Variants in LIMA1 observed in about 807,000 individuals in gnomAD.
The protein encoded by LIMA1 is LIM domain and actin-binding protein 1.
Under a neutral mutation model 62.6 loss-of-function variants are expected in LIMA1, and 52 were observed. The ratio of observed to expected loss-of-function variants is 0.83; its 90% CI spans 0.67 to 1.05. LIMA1 has a LOEUF of 1.05. Ranked by LOEUF, LIMA1 falls within the 50% of genes least tolerant of loss-of-function variation. The pLI is 0.00. For missense variants in LIMA1, 780 were observed against 902.2 expected (o/e 0.86, Z 1.74); for synonymous variants, 302 against 317.8 (o/e 0.95, Z 0.53).
Position 50,177,208 on chromosome 12 carries a change from G to A in LIMA1, c.2136C>T (p.Asp712=). The A allele has an allele frequency of 6.2e-7, 1 of 1,614,126 alleles. No individual in the cohort carries two copies. Among genetic ancestry groups the A allele is most frequent in the Non-Finnish European group, 8.5e-7 (1 of 1,180,018 alleles). The part of the protein sequence containing the change: ...PKSLNWSSFV[D]NTFAEEFTTQ... The stretch of plus-strand genomic sequence containing the variant: ...TAGTGAATTCTTCAGCAAAGGTGTT[G>A]TCTACAAAACTCGACCAATTCAGAG... The change falls in exon 11 of 11, where the codon GAC becomes GAT. Residue 712 remains aspartate (D), a synonymous_variant. Coordinates refer to ENST00000341247, the MANE Select transcript of LIMA1 (RefSeq NM_016357.5).
chr12:50,253,718 T>C (rs1030166653), intron 1 of LIMA1, among the ~76,000 whole-genome samples: 2 of 152,172 alleles, frequency 1.3e-5, no homozygotes, highest in African/African-American at 4.8e-5. Flanking sequence ...TGGCTTTCAT[T>C]GGCCTGCATT....
At chr12:50,244,718 A>G (rs1301895989) in intron 2 of LIMA1, among the ~76,000 whole-genome samples, 2 of 152,240 alleles carry the variant, frequency 1.3e-5, no homozygotes, top group African/African-American at 4.8e-5. Context: ...TGCAAGATTA[A>G]GAAGGCCCTA....
rs751148069 is a variant in LIMA1 at position 50,192,464 on chromosome 12, GGGA to G, written c.1125_1127del (p.Pro376del). 3.1e-6 allele frequency: 5 copies of G among 1,611,150 alleles called. No individual in the cohort carries two copies. The highest frequency in any genetic ancestry group is 2.2e-5 in the South Asian group (2 of 91,022). On this transcript the variant is annotated inframe_deletion, in exon 9 of 11. Coordinates refer to ENST00000341247, the MANE Select transcript of LIMA1 (RefSeq NM_016357.5). ...ATTGCCATCATACCTTCATTGCTTT[GGGA>G]GGAGAACTTTCAGAAAGACTGGAGG...
intron 3 of LIMA1, among the ~76,000 whole-genome samples, chr12:50,228,630 C>T (rs1250168805): frequency 6.6e-6 from 1 of 152,206 alleles, no homozygotes; most frequent in African/African-American, 2.4e-5. Context: ...GCTTTAAGTA[C>T]CACTGACACT....
At chr12:50,243,185 G>T (rs1305853229) in intron 2 of LIMA1, among the ~76,000 whole-genome samples, 1 of 152,196 alleles carries the variant, frequency 6.6e-6, no homozygotes, top group Non-Finnish European at 1.5e-5. Flanking sequence ...GCTAGAAAAA[G>T]TACTCTTCTA....
chr12:50,214,024 C>CCACACACACA lies in LIMA1; in HGVS notation c.631-7966_631-7957dup, dbSNP rs10632810. Reference sequence around the variant, plus strand: ...TTACCCTGGATCAATTATTATCTTACCACACACACACACACACACACACAC... The same window carrying CCACACACACA: ...TTACCCTGGATCAATTATTATCTTACCACACACACACACACACACACACACACACACACAC... On this transcript the variant is annotated intron_variant, in intron 4 of 10. Transcript: ENST00000341247. 5.7e-4 allele frequency among the ~76,000 whole-genome samples: 60 copies of CCACACACACA among 104,594 alleles called. 1 individual carries two copies. Among genetic ancestry groups the CCACACACACA allele is most frequent in the African/African-American group, 1.8e-3 (57 of 31,582 alleles). The allele number at this position is 104,594 out of a possible 152,430, so 68.6% of individuals were successfully genotyped here. A position where few individuals can be genotyped will look rare whatever the true frequency, so the allele number is the denominator to read the frequency against.
intron 1 of LIMA1, among the ~76,000 whole-genome samples, chr12:50,274,236 T>C (rs1231263576): frequency 6.6e-6 from 1 of 152,162 alleles, no homozygotes; most frequent in Non-Finnish European, 1.5e-5. Flanking sequence ...CAAATATTTA[T>C]TTAGCATTTA....
intron 8 of LIMA1, 80 bp downstream of exon 8, chr12:50,195,750 A>G (rs1241969012): frequency 4.4e-6 from 6 of 1,359,320 alleles, no homozygotes; most frequent in Non-Finnish European, 6.1e-6. Context: ...CTCAGCACTG[A>G]CAGTAATGGG....
At chr12:50,242,996 A>C (rs1213574870) in intron 2 of LIMA1, among the ~76,000 whole-genome samples, 1 of 152,252 alleles carries the variant, frequency 6.6e-6, no homozygotes, top group African/African-American at 2.4e-5. Flanking sequence ...CCAAAGAGTC[A>C]ACTGTTATCA....
chr12:50,265,257 A>T (rs1280244789), intron 1 of LIMA1, among the ~76,000 whole-genome samples: 1 of 152,160 alleles, frequency 6.6e-6, no homozygotes, highest in Non-Finnish European at 1.5e-5. Context: ...GTGGTGGCTC[A>T]TGCCTGTAAT....
In LIMA1 at chr12:50,204,646, A is replaced by G. The variant is rs1215115875; in HGVS notation, c.770T>C (p.Leu257Pro). ...GGTTTCTGAGAGGCGTGGAAGTTCCAGATTTCGTCTACTCTCATTTTTCTC... is the reference window on the plus strand; with the variant it reads ...GGTTTCTGAGAGGCGTGGAAGTTCCGGATTTCGTCTACTCTCATTTTTCTC... Reference protein sequence around the residue: ...DSEKNESRRNLELPRLSETSI... With the variant: ...DSEKNESRRNPELPRLSETSI... Residue 257 changes from leucine to proline, a missense_variant, in exon 6 of 11, where the codon CTG (leucine) becomes CCG (proline). By Grantham distance (98) the Leu-to-Pro change is moderately conservative (BLOSUM62 -3). Coordinates refer to ENST00000341247, the MANE Select transcript of LIMA1 (RefSeq NM_016357.5). The G allele has an allele frequency of 6.2e-7, 1 of 1,614,216 alleles. No homozygotes were observed. Among genetic ancestry groups the G allele is most frequent in the East Asian group, 2.2e-5 (1 of 44,890 alleles).
intron 9 of LIMA1, chr12:50,186,872 C>T (rs1008890436): frequency 1.3e-5 from 2 of 152,194 alleles, no homozygotes; most frequent in Non-Finnish European, 2.9e-5. Context: ...ACTCACAAAC[C>T]AAGAGAGCAT....
chr12:50,241,936 T>A (rs1398815986), intron 2 of LIMA1, among the ~76,000 whole-genome samples: 23 of 32,258 alleles, frequency 7.1e-4, no homozygotes, highest in African/African-American at 4.9e-3. Context: ...TTCCCAGATT[T>A]TTTTTTTTTT....
rs1454668979 is a variant in LIMA1, at chr12:50,192,459, G to A, written c.1133C>T (p.Ala378Val). The change falls in exon 9 of 11, where the codon GCA (alanine) becomes GTA (valine). Residue 378 changes from alanine (A) to valine (V), a missense_variant. By Grantham distance (64) the Ala-to-Val change is moderately conservative. Coordinates refer to ENST00000341247, the MANE Select transcript of LIMA1 (RefSeq NM_016357.5). ...GAGAAATTGCCATCATACCTTCATT[G>A]CTTTGGGAGGAGAACTTTCAGAAAG... is the stretch of plus-strand genomic sequence containing the variant. ...SSLSESSPPK[A>V]MKKFQAPARE... 5 of 1,607,952 alleles carry A rather than the reference G, an allele frequency of 3.1e-6. No homozygotes were observed. Among genetic ancestry groups the A allele is most frequent in the Non-Finnish European group, 4.3e-6 (5 of 1,174,378 alleles).
chr12:50,199,866 A>G (rs1174058871), intron 7 of LIMA1, among the ~76,000 whole-genome samples: 1 of 152,074 alleles, frequency 6.6e-6, no homozygotes, highest in East Asian at 1.9e-4. Flanking sequence ...GCATGGAATC[A>G]AGTTGCCCTG....
chr12:50,189,768 G>C, intron 9 of LIMA1: 1 of 152,228 alleles, frequency 6.6e-6, no homozygotes, highest in Non-Finnish European at 1.5e-5. Flanking sequence ...CTGGAGTACA[G>C]TGGCGCGATC....
Position 50,195,861 on chromosome 12 carries a change from T to C in LIMA1, c.999A>G (p.Ala333=). The part of the protein sequence containing the change: ...EKISANENSL[A]VRSTPAEDDS... ...CATCTTCGGCAGGGGTGGAACGGAC[T>C]GCCAGGCTATTCTCATTTGCAGAAA... Residue 333 remains alanine, a synonymous_variant, in exon 8 of 11, where the codon GCA becomes GCG. Transcript: ENST00000341247. 1 of 1,570,838 alleles carries C rather than the reference T, an allele frequency of 6.4e-7. No homozygotes were observed. Among genetic ancestry groups the C allele is most frequent in the Non-Finnish European group, 8.6e-7 (1 of 1,162,882 alleles).
chr12:50,236,094 G>T (rs1245285744), intron 2 of LIMA1, among the ~76,000 whole-genome samples: 1 of 151,802 alleles, frequency 6.6e-6, no homozygotes, highest in Non-Finnish European at 1.5e-5. Flanking sequence ...GAACCCGGGA[G>T]GTGGAGGTTG....
At chr12:50,199,331 C>T in intron 7 of LIMA1, among the ~76,000 whole-genome samples, 1 of 151,944 alleles carries the variant, frequency 6.6e-6, no homozygotes, top group East Asian at 1.9e-4. Flanking sequence ...ACTCCATCTC[C>T]AAACAAACAA....
Sources: allele counts gnomAD v4.1 joint callset (sites outside exome capture counted in the v4.1 genomes callset), GRCh38; gene constraint gnomAD v4.1.1; transcripts MANE v1.5; gene names NCBI Gene and HGNC (gene_info 2026-07-23, HGNC 2026-07-21).